ARHGAP15: variants seen among roughly 807,000 people sequenced by gnomAD.
ARHGAP15 encodes the protein Rho GTPase activating protein 15.
Under a neutral mutation model 63.7 loss-of-function variants are expected in ARHGAP15, and 51 were observed. The ratio of observed to expected loss-of-function variants is 0.80; its 90% CI spans 0.64 to 1.01. The LOEUF (loss-of-function observed/expected upper bound fraction) is 1.01, where lower values mean the gene tolerates loss of function less well. Ranked by LOEUF, ARHGAP15 falls within the 50% of genes least tolerant of loss-of-function variation. The pLI, the probability that ARHGAP15 is intolerant of heterozygous loss-of-function variation, is 0.00. For synonymous variants in ARHGAP15, 191 were observed against 193.8 expected, an observed-to-expected ratio of 0.99 and a Z score of 0.12; for missense variants, 560 against 564.6, an observed-to-expected ratio of 0.99 and a Z score of 0.08.
intron 8 of ARHGAP15, among the ~76,000 whole-genome samples, chr2:143,473,591 C>G (rs1386286398): frequency 1.3e-5 from 2 of 152,136 alleles, no homozygotes; most frequent in Non-Finnish European, 2.9e-5. Context: ...TTCACAGTGT[C>G]CCTGTTGGAA....
At chr2:143,153,911 C>CT (rs1207105938) in intron 1 of ARHGAP15, among the ~76,000 whole-genome samples, 46 of 126,144 alleles carry the variant, frequency 3.6e-4, no homozygotes, top group African/African-American at 1.2e-3. Context: ...TATTCCTCTT[C>CT]TTTTTTTTTC....
At chr2:143,396,772 A>G (rs1687780018) in intron 6 of ARHGAP15, among the ~76,000 whole-genome samples, 1 of 152,076 alleles carries the variant, frequency 6.6e-6, no homozygotes, top group Admixed American at 6.6e-5. Context: ...AAGCATATTC[A>G]GTCAAGGAGA....
At chr2:143,716,529 T>TAC (rs1559141713) in intron 13 of ARHGAP15, among the ~76,000 whole-genome samples, 1 of 152,220 alleles carries the variant, frequency 6.6e-6, no homozygotes, top group African/African-American at 2.4e-5. Flanking sequence ...ATTGCCATAC[T>TAC]ACCTTGAATT....
intron 6 of ARHGAP15, among the ~76,000 whole-genome samples, chr2:143,364,651 G>A (rs1225823376): frequency 6.6e-6 from 1 of 152,130 alleles, no homozygotes; most frequent in East Asian, 1.9e-4. Flanking sequence ...TTTGAAGTAC[G>A]CACAGAATTT....
At chr2:143,752,292 A>T (rs564062304) in intron 13 of ARHGAP15, among the ~76,000 whole-genome samples, 1 of 152,074 alleles carries the variant, frequency 6.6e-6, no homozygotes, top group Non-Finnish European at 1.5e-5. Context: ...ATCACATACA[A>T]CTTTTCTGTA....
At chr2:143,284,089 G>A (rs1184815610) in intron 6 of ARHGAP15, among the ~76,000 whole-genome samples, 1 of 151,954 alleles carries the variant, frequency 6.6e-6, no homozygotes, top group Non-Finnish European at 1.5e-5. Flanking sequence ...TTTCGTTTTT[G>A]TTTTCAAGAA....
In ARHGAP15 at chr2:143,435,719, G is replaced by A; in HGVS notation, c.573+20G>A. 1 of 1,595,188 alleles carries A rather than the reference G, an allele frequency of 6.3e-7. No individual in the cohort carries two copies. Reference sequence around the variant, plus strand: ...AGATTGGTATGTATTTGTTTTGGCTGTTACCTTTATTAATTAAAATGTAGT... The same window carrying A: ...AGATTGGTATGTATTTGTTTTGGCTATTACCTTTATTAATTAAAATGTAGT... On this transcript the variant is annotated intron_variant, in intron 7 of 13. Transcript: ENST00000295095.
rs916467457 is a variant in ARHGAP15 at position 143,315,890 on chromosome 2, G to T, written c.474+65290G>T. Among the ~76,000 whole-genome samples the T allele has an allele frequency of 9.2e-5, 13 of 141,666 alleles. No homozygotes were observed. In the East Asian group the frequency reaches 2.1e-3, roughly 23 times the overall value. 92.9% of individuals were successfully genotyped at this position (141,666 alleles called of 152,430 possible). A position where few individuals can be genotyped will look rare whatever the true frequency, so the allele number is the denominator to read the frequency against. On this transcript the variant is annotated intron_variant, in intron 6 of 13. Coordinates refer to ENST00000295095, the MANE Select transcript of ARHGAP15 (RefSeq NM_018460.4). ...ACCTGAAGTCAGGAGTTCAAGATCAGCCTGGCCAACACGGTGAAACTGCGT... is the reference window on the plus strand; with the variant it reads ...ACCTGAAGTCAGGAGTTCAAGATCATCCTGGCCAACACGGTGAAACTGCGT...
chr2:143,561,533 A>T (rs1416996553), intron 11 of ARHGAP15, among the ~76,000 whole-genome samples: 2 of 144,110 alleles, frequency 1.4e-5, no homozygotes, highest in Non-Finnish European at 3.0e-5. Flanking sequence ...TTTTTTTGAG[A>T]CGGAGTCTCG....
chr2:143,505,137 T>C (rs1693250418), intron 9 of ARHGAP15, among the ~76,000 whole-genome samples: 1 of 152,098 alleles, frequency 6.6e-6, no homozygotes, highest in Non-Finnish European at 1.5e-5. Flanking sequence ...ATCTCAGGAG[T>C]TCACAATTCT....
At chr2:143,705,402 A>G (rs1684283730) in intron 13 of ARHGAP15, among the ~76,000 whole-genome samples, 1 of 152,186 alleles carries the variant, frequency 6.6e-6, no homozygotes, top group African/African-American at 2.4e-5. Context: ...TCCTTGCTCT[A>G]TGCTTTACTC....
intron 6 of ARHGAP15, among the ~76,000 whole-genome samples, chr2:143,259,895 C>T (rs187503295): frequency 1.3e-5 from 2 of 152,148 alleles, no homozygotes; most frequent in East Asian, 1.9e-4. Context: ...TAAGTATATA[C>T]CCAAATATTA....
At chr2:143,756,331 C>G (rs1686575033) in intron 13 of ARHGAP15, among the ~76,000 whole-genome samples, 1 of 152,128 alleles carries the variant, frequency 6.6e-6, no homozygotes, top group Non-Finnish European at 1.5e-5. Context: ...AATGCTGATC[C>G]ATGCACAACA....
intron 6 of ARHGAP15, among the ~76,000 whole-genome samples, chr2:143,310,225 G>A (rs1683375852): frequency 6.6e-6 from 1 of 151,988 alleles, no homozygotes; most frequent in Admixed American, 6.6e-5. Flanking sequence ...ATGAAAAACA[G>A]CACTGTAATA....
At chr2:143,729,055 G>A (rs1250181968) in intron 13 of ARHGAP15, among the ~76,000 whole-genome samples, 3 of 152,298 alleles carry the variant, frequency 2.0e-5, no homozygotes, top group East Asian at 3.9e-4. Context: ...GAAGGTGGAC[G>A]TTTTTGCATG....
Position 143,309,642 on chromosome 2 carries a change from T to G in ARHGAP15, c.474+59042T>G, listed in dbSNP as rs146422439. On this transcript the variant is annotated intron_variant, in intron 6 of 13. Transcript: ENST00000295095. ...TTATCAATTAGAAAAGGGGAGGTGG[T>G]AACAATAAAATCCCTAGGTATGTAT... Among the ~76,000 whole-genome samples, 640 of 152,136 alleles carry G rather than the reference T, an allele frequency of 4.2e-3. 1 individual carries two copies. The highest frequency in any genetic ancestry group is 6.4e-3 in the African/African-American group (268 of 41,558).
At chr2:143,148,900 T>C (rs1689701091) in intron 1 of ARHGAP15, among the ~76,000 whole-genome samples, 1 of 152,024 alleles carries the variant, frequency 6.6e-6, no homozygotes. Flanking sequence ...GAAATTAAAA[T>C]GCTATTTTGG....
intron 2 of ARHGAP15, among the ~76,000 whole-genome samples, chr2:143,155,873 G>C (rs1396206586): frequency 6.6e-6 from 1 of 151,846 alleles, no homozygotes; most frequent in South Asian, 2.1e-4. Flanking sequence ...TGGATTTGGA[G>C]CTAGACTGAA....
chr2:143,599,562 G>A (rs965955425), intron 11 of ARHGAP15, among the ~76,000 whole-genome samples: 4 of 151,872 alleles, frequency 2.6e-5, no homozygotes, highest in Non-Finnish European at 4.4e-5. Flanking sequence ...AAAATTAATG[G>A]TAACTAAAAC....
Sources: allele counts gnomAD v4.1 joint callset (sites outside exome capture counted in the v4.1 genomes callset), GRCh38; gene constraint gnomAD v4.1.1; transcripts MANE v1.5; gene names NCBI Gene and HGNC (gene_info 2026-07-23, HGNC 2026-07-21).